The following ZNF606 variants were observed in gnomAD, a reference collection of about 807,000 sequenced individuals.
ZNF606 encodes the protein zinc finger protein 328.
Under a neutral mutation model 74.9 loss-of-function variants are expected in ZNF606, and 37 were observed. The observed-to-expected ratio is 0.49, with a 90% CI of 0.38 to 0.65. The LOEUF (loss-of-function observed/expected upper bound fraction) is 0.65. Among genes scored for constraint, ZNF606 ranks in the 30% least tolerant of loss-of-function variants. The pLI is 0.00. For missense variants in ZNF606, 852 were observed against 952.9 expected (o/e 0.89, Z 1.39); for synonymous variants, 328 against 312.4 (o/e 1.05, Z -0.53).
At chr19:57,986,879 T>C (rs1416572961) in intron 6 of ZNF606, among the ~76,000 whole-genome samples, 1 of 151,452 alleles carries the variant, frequency 6.6e-6, no homozygotes, top group East Asian at 1.9e-4. Flanking sequence ...TGCACAGGAG[T>C]TCAAGACTAG....
At chr19:57,989,290 C>T (rs2073214393) in intron 4 of ZNF606, among the ~76,000 whole-genome samples, 1 of 151,826 alleles carries the variant, frequency 6.6e-6, no homozygotes, top group Non-Finnish European at 1.5e-5. Flanking sequence ...GAATCGGTTA[C>T]AGCTGCCATT....
rs1387280366 is a variant in ZNF606 at position 57,979,474 on chromosome 19, G to A, written c.1206C>T (p.Tyr402=). Residue 402 remains tyrosine (Y), a synonymous_variant, in exon 7 of 7, where the codon TAC becomes TAT. Coordinates refer to ENST00000551380, the MANE Select transcript of ZNF606 (RefSeq NM_001348022.3). ...AGATGAAAGACGTCCCACATTCATT[G>A]TAGTCATAGGGTTTCTCTGCAGTGT... The part of the protein sequence containing the change: ...STYTAEKPYD[Y]NECGTSFIWS... The A allele has an allele frequency of 1.9e-6, 3 of 1,614,004 alleles. No individual in the cohort carries two copies. Among genetic ancestry groups the A allele is most frequent in the South Asian group, 1.1e-5 (1 of 91,080 alleles).
At chr19:57,990,802 C>G (rs2073246628) in intron 4 of ZNF606, among the ~76,000 whole-genome samples, 2 of 152,016 alleles carry the variant, frequency 1.3e-5, no homozygotes, top group African/African-American at 4.8e-5. Context: ...AATTGCTTCC[C>G]CTCTACCTTC....
chr19:58,001,243 C>G, intron 2 of ZNF606, 46 bp downstream of exon 2: 2 of 1,608,716 alleles, frequency 1.2e-6, no homozygotes, highest in Non-Finnish European at 1.7e-6. Context: ...ATGACTGCAG[C>G]AGCTAATGAT....
At chr19:57,999,525 G>GTCGCCGTAT in intron 4 of ZNF606, 1 of 503,184 alleles carries the variant, frequency 2.0e-6, no homozygotes. Flanking sequence ...AGTGAAGGTG[G>GTCGCCGTAT]CAATAGAGAA....
At chr19:57,998,625 T>C (rs1216495401) in intron 4 of ZNF606, 2 of 152,164 alleles carry the variant, frequency 1.3e-5, no homozygotes, top group African/African-American at 4.8e-5. Context: ...TGTTCTAGAA[T>C]TAGATACTGG....
In ZNF606 at chr19:58,000,740, C is replaced by A; in HGVS notation, c.32-1G>T. 1 of 1,591,704 alleles carries A rather than the reference C, an allele frequency of 6.3e-7. No homozygotes were observed. The highest frequency in any genetic ancestry group is 8.6e-7 in the Non-Finnish European group (1 of 1,167,104). Reference sequence around the variant, plus strand: ...CCCCAAGATTGGTCCGTAAGGGCACCTGCACAGAAGGATCAGGTTAGGACT... The same window carrying A: ...CCCCAAGATTGGTCCGTAAGGGCACATGCACAGAAGGATCAGGTTAGGACT... On this transcript the variant is annotated splice_acceptor_variant, in intron 2 of 6. Transcript: ENST00000551380. LOFTEE classifies it high-confidence loss of function.
chr19:57,984,527 G>A (rs1364971216), intron 6 of ZNF606, among the ~76,000 whole-genome samples: 1 of 152,218 alleles, frequency 6.6e-6, no homozygotes, highest in East Asian at 1.9e-4. Flanking sequence ...CTCAAGAAGA[G>A]GCTGTGGCAC....
chr19:57,981,384 C>T lies in ZNF606; in HGVS notation c.401-1105G>A, dbSNP rs562578347. On this transcript the variant is annotated intron_variant, in intron 6 of 6. Coordinates refer to ENST00000551380, the MANE Select transcript of ZNF606 (RefSeq NM_001348022.3). Reference sequence around the variant, plus strand: ...AGTCCTATAAGTACTCATAGTGAATCAGTGAACCTGGAGGTGGTCTTGAAG... The same window carrying T: ...AGTCCTATAAGTACTCATAGTGAATTAGTGAACCTGGAGGTGGTCTTGAAG... Among the ~76,000 whole-genome samples the T allele has an allele frequency of 5.9e-5, 9 of 152,162 alleles. No individual in the cohort carries two copies. The South Asian group carries it at 1.7e-3, about 28-fold the overall frequency.
intron 6 of ZNF606, among the ~76,000 whole-genome samples, chr19:57,985,308 A>T (rs1215919852): frequency 1.3e-5 from 2 of 152,314 alleles, no homozygotes; most frequent in East Asian, 3.9e-4. Context: ...CAGTGAGCAG[A>T]ACAAAGCTGG....
At chr19:57,989,580 G>A (rs1284972068) in intron 4 of ZNF606, among the ~76,000 whole-genome samples, 1 of 151,882 alleles carries the variant, frequency 6.6e-6, no homozygotes, top group African/African-American at 2.4e-5. Context: ...CCGAGTAGCT[G>A]GGACAATAGG....
chr19:57,978,897 G>GT lies in ZNF606; in HGVS notation c.1782dup (p.Pro595ThrfsTer3). On this transcript the variant is annotated frameshift_variant, in exon 7 of 7. Transcript: ENST00000551380. LOFTEE classifies it high-confidence loss of function. This position sits in a 1 kb window ranked among gnomAD's most constrained non-coding sequence, Gnocchi z 4.4. Reference sequence around the variant, plus strand: ...TTGCCACATTCCTGACAGTTATATGGTTTCTCTCCCGTGTGAGTTCTCTGA... The same window carrying GT: ...TTGCCACATTCCTGACAGTTATATGGTTTTCTCTCCCGTGTGAGTTCTCTGA... 2 of 1,614,112 alleles carry GT rather than the reference G, an allele frequency of 1.2e-6. No homozygotes were observed. The highest frequency in any genetic ancestry group is 1.7e-6 in the Non-Finnish European group (2 of 1,180,016).
At chr19:57,992,220 G>A (rs1045804326) in intron 4 of ZNF606, among the ~76,000 whole-genome samples, 1 of 152,210 alleles carries the variant, frequency 6.6e-6, no homozygotes, top group African/African-American at 2.4e-5. Flanking sequence ...TCAGCTGCAG[G>A]TGAAAGGCAG....
chr19:57,984,511 T>C (rs2073136069), intron 6 of ZNF606, among the ~76,000 whole-genome samples: 1 of 152,138 alleles, frequency 6.6e-6, no homozygotes, highest in South Asian at 2.1e-4. Flanking sequence ...TAATCCAACT[T>C]CAGGACTCAA....
intron 6 of ZNF606, among the ~76,000 whole-genome samples, chr19:57,983,745 GGGT>G (rs2073124602): frequency 1.3e-5 from 2 of 152,134 alleles, no homozygotes; most frequent in East Asian, 3.9e-4. Context: ...AGCACGACCT[GGGT>G]ACAGACTGAC....
Position 57,978,488 on chromosome 19 carries a change from G to T in ZNF606, c.2192C>A (p.Thr731Asn). The change falls in exon 7 of 7, where the codon ACT (threonine) becomes AAT (asparagine). Residue 731 changes from threonine to asparagine, a missense_variant. By Grantham distance (65) the Thr-to-Asn change is moderately conservative. Coordinates refer to ENST00000551380, the MANE Select transcript of ZNF606 (RefSeq NM_001348022.3). The surrounding 1 kb of genome is among the most constrained non-coding windows in gnomAD (Gnocchi z 4.4). Reference sequence around the variant, plus strand: ...ATTACATTTGTAGGGCTTTTCTCCAGTATGGTTTCTTAGGTGTACAATAAG... The same window carrying T: ...ATTACATTTGTAGGGCTTTTCTCCATTATGGTTTCTTAGGTGTACAATAAG... Reference protein sequence around the residue: ...SSLIVHLRNHTGEKPYKCNHC... With the variant: ...SSLIVHLRNHNGEKPYKCNHC... 6.2e-7 allele frequency: 1 copy of T among 1,613,800 alleles called. No individual in the cohort carries two copies.
intron 4 of ZNF606, chr19:57,999,554 A>G: frequency 2.0e-6 from 1 of 505,578 alleles, no homozygotes; most frequent in South Asian, 3.7e-5. Context: ...GCCAGCCAAA[A>G]GGGCTGCCCT....
intron 4 of ZNF606, among the ~76,000 whole-genome samples, chr19:57,991,068 T>C (rs2073251520): frequency 6.6e-6 from 1 of 152,112 alleles, no homozygotes; most frequent in South Asian, 2.1e-4. Flanking sequence ...ACAGTCCATC[T>C]CCTCCTGCAA....
chr19:57,992,131 C>T (rs2073270631), intron 4 of ZNF606, among the ~76,000 whole-genome samples: 1 of 152,112 alleles, frequency 6.6e-6, no homozygotes, highest in Non-Finnish European at 1.5e-5. Flanking sequence ...CTAATAAACA[C>T]AAGAGGAATG....
Sources: gnomAD v4.1 joint callset for allele counts (sites outside exome capture counted in the v4.1 genomes callset) on GRCh38, gnomAD v4.1.1 for gene constraint, Gnocchi (gnomAD v3.1) non-coding constraint, MANE v1.5 for transcripts, NCBI Gene and HGNC (gene_info 2026-07-23, HGNC 2026-07-21) for gene names.